FMNL1: variants seen among roughly 807,000 people sequenced by gnomAD.
FMNL1 encodes formin like 1, also known as formin-like protein 1.
FMNL1 carries 43 observed loss-of-function variants against 121.3 expected under a neutral mutation model. That is an observed-to-expected ratio of 0.35 (90% CI 0.28 to 0.46). The LOEUF (loss-of-function observed/expected upper bound fraction) is 0.46, where lower values mean the gene tolerates loss of function less well. Ranked by LOEUF, FMNL1 falls within the 20% of genes least tolerant of loss-of-function variation. The pLI, the probability that FMNL1 is intolerant of heterozygous loss-of-function variation, is 1.00. For synonymous variants in FMNL1, 613 were observed against 613.5 expected, an observed-to-expected ratio of 1.00 and a Z score of 0.01; for missense variants, 1,191 against 1,482.4, an observed-to-expected ratio of 0.80 and a Z score of 3.23.
Position 45,241,366 on chromosome 17 carries a change from C to A in FMNL1, c.1333-16C>A. The stretch of plus-strand genomic sequence containing the variant: ...AGCCTGCTGGTGGGCACTGACCCCT[C>A]CCGTGGGGTTCGTAGGAGCGCTTCA... On this transcript the variant is annotated splice_polypyrimidine_tract_variant and intron_variant, in intron 13 of 26. Coordinates refer to ENST00000331495, the MANE Select transcript of FMNL1 (RefSeq NM_005892.4). This position sits in a 1 kb window ranked among gnomAD's most constrained non-coding sequence, Gnocchi z 7.0. 6.3e-7 allele frequency: 1 copy of A among 1,577,600 alleles called. No homozygotes were observed. The highest frequency in any genetic ancestry group is 1.4e-5 in the African/African-American group (1 of 73,866).
At chr17:45,227,078 G>C (rs1003234192) in intron 1 of FMNL1, among the ~76,000 whole-genome samples, 6 of 152,124 alleles carry the variant, frequency 3.9e-5, no homozygotes, top group African/African-American at 1.4e-4. Flanking sequence ...ATGGGGGAGT[G>C]GGGGCTGGGG....
chr17:45,231,656 T>C lies in FMNL1; in HGVS notation c.214-711T>C, dbSNP rs2043440278. ...GGTCTTTGCCGTGGTCCCTGCCTCTTTGTGTGAGTGGCCGCTGGAGCCTGC... is the reference window on the plus strand; with the variant it reads ...GGTCTTTGCCGTGGTCCCTGCCTCTCTGTGTGAGTGGCCGCTGGAGCCTGC... On this transcript the variant is annotated intron_variant, in intron 2 of 26. Coordinates refer to ENST00000331495, the MANE Select transcript of FMNL1 (RefSeq NM_005892.4). This position sits in a 1 kb window ranked among gnomAD's most constrained non-coding sequence, Gnocchi z 4.7. Among the ~76,000 whole-genome samples, 1 of 151,884 alleles carries C rather than the reference T, an allele frequency of 6.6e-6. No individual in the cohort carries two copies. The highest frequency in any genetic ancestry group is 2.1e-4 in the South Asian group (1 of 4,816).
intron 6 of FMNL1, among the ~76,000 whole-genome samples, chr17:45,235,775 G>A (rs1355475295): frequency 3.3e-5 from 5 of 152,186 alleles, no homozygotes; most frequent in African/African-American, 4.8e-5. Context: ...GCTGGGATGC[G>A]CCTGAACCCT....
At chr17:45,232,171 A>AC (rs1299930579) in intron 2 of FMNL1, among the ~76,000 whole-genome samples, 196 bp from the exon 3 acceptor site, 1 of 152,150 alleles carries the variant, frequency 6.6e-6, no homozygotes, top group Non-Finnish European at 1.5e-5. Context: ...AAGAAAAGAG[A>AC]AAGATAAAAG....
chr17:45,246,477 C>G, intron 25 of FMNL1, 28 bp from the exon 26 acceptor site: 1 of 1,613,886 alleles, frequency 6.2e-7, no homozygotes, highest in Non-Finnish European at 8.5e-7. Flanking sequence ...TTTCTCTACT[C>G]CCCTTCACCT....
Position 45,241,832 on chromosome 17 carries a change from C to G in FMNL1, c.1586-15C>G. ...TGACTCGCGCCTCCCCCACGCCGCG[C>G]CCTCGCTGGCTCAGATCTCGCACCT... On this transcript the variant is annotated splice_polypyrimidine_tract_variant and intron_variant, in intron 14 of 26. Coordinates refer to ENST00000331495, the MANE Select transcript of FMNL1 (RefSeq NM_005892.4). The surrounding 1 kb of genome is among the most constrained non-coding windows in gnomAD (Gnocchi z 7.0). 7.1e-7 allele frequency: 1 copy of G among 1,417,848 alleles called. No homozygotes were observed. Among genetic ancestry groups the G allele is most frequent in the Non-Finnish European group, 9.1e-7 (1 of 1,094,394 alleles). 87.8% of individuals were successfully genotyped at this position (1,417,848 alleles called of 1,614,324 possible). A position where few individuals can be genotyped will look rare whatever the true frequency, so the allele number is the denominator to read the frequency against.
chr17:45,246,748 G>A (rs1489260674), intron 26 of FMNL1, 119 bp from the exon 27 acceptor site: 2 of 814,548 alleles, frequency 2.5e-6, no homozygotes, highest in Admixed American at 2.5e-5. Context: ...AACATAAACG[G>A]TACCCCTGCC....
chr17:45,224,149 C>T (rs1279355900), intron 1 of FMNL1, among the ~76,000 whole-genome samples: 2 of 152,270 alleles, frequency 1.3e-5, no homozygotes, highest in South Asian at 4.1e-4. Context: ...GTGTTTATAC[C>T]TTCTTCCCGG....
chr17:45,228,165 C>T (rs1184782292), intron 1 of FMNL1, among the ~76,000 whole-genome samples: 6 of 152,222 alleles, frequency 3.9e-5, no homozygotes, highest in Admixed American at 3.9e-4. Context: ...CTCTCCTACT[C>T]CCTGGAGTGC....
rs1285867662 is a variant in FMNL1 at position 45,236,754 on chromosome 17, A to C, written c.723+510A>C. On this transcript the variant is annotated intron_variant, in intron 7 of 26. Coordinates refer to ENST00000331495, the MANE Select transcript of FMNL1 (RefSeq NM_005892.4). ...AAGCGGGAGGATTGCTTGAACCCAG[A>C]ATTTGAGATCAGCCTGGGCAACATA... Among the ~76,000 whole-genome samples, 10 of 152,230 alleles carry C rather than the reference A, an allele frequency of 6.6e-5. No homozygotes were observed. The East Asian group carries it at 1.9e-3, about 29-fold the overall frequency.
rs776423403 is a variant in FMNL1 at position 45,241,335 on chromosome 17, C to T, written c.1333-47C>T. On this transcript the variant is annotated intron_variant, in intron 13 of 26. Transcript: ENST00000331495. The surrounding 1 kb of genome is among the most constrained non-coding windows in gnomAD (Gnocchi z 7.0). ...CCGGGAAGAAGATGGAGGCTTGGTG[C>T]CAAGGAGCCTGCTGGTGGGCACTGA... is the stretch of plus-strand genomic sequence containing the variant. The T allele has an allele frequency of 6.3e-7, 1 of 1,589,898 alleles. No homozygotes were observed. Among genetic ancestry groups the T allele is most frequent in the Non-Finnish European group, 8.6e-7 (1 of 1,168,030 alleles).
intron 10 of FMNL1, 69 bp downstream of exon 10, chr17:45,238,707 C>T (rs1211465295): frequency 6.3e-7 from 1 of 1,591,292 alleles, no homozygotes; most frequent in African/African-American, 1.3e-5. Flanking sequence ...CAGCTAGGGT[C>T]CTGGGTGCTG....
At chr17:45,222,669 G>C (rs1020391164) in intron 1 of FMNL1, among the ~76,000 whole-genome samples, 7 of 152,204 alleles carry the variant, frequency 4.6e-5, no homozygotes, top group African/African-American at 1.4e-4. Context: ...CAACCTCCCG[G>C]GAGCGGGAGA....
chr17:45,242,074 C>CCGT lies in FMNL1; in HGVS notation c.1815_1816insTCG (p.Pro605_Pro606insSer). On this transcript the variant is annotated inframe_insertion, in exon 15 of 27. Transcript: ENST00000331495. Reference sequence around the variant, plus strand: ...CACTGACGGGCCGGTGCCTCCGCCGCCGCCGCCGCCGCCGCCGCCTCCCGG... The same window carrying CCGT: ...CACTGACGGGCCGGTGCCTCCGCCGCCGTCGCCGCCGCCGCCGCCGCCTCCCGG... 1 of 1,503,804 alleles carries CCGT rather than the reference C, an allele frequency of 6.6e-7. No homozygotes were observed. The highest frequency in any genetic ancestry group is 1.4e-5 in the African/African-American group (1 of 70,832). 93.2% of individuals were successfully genotyped at this position (1,503,804 alleles called of 1,614,324 possible). A position where few individuals can be genotyped will look rare whatever the true frequency, so the allele number is the denominator to read the frequency against.
Position 45,243,982 on chromosome 17 carries a change from C to T in FMNL1, c.2405C>T (p.Thr802Ile). ...CTGCCGGAGCGCATGACCACACTCA[C>T]CTTCCTGGGCAACTTCCCGGACACA... ...PRLPERMTTL[T>I]FLGNFPDTAQ... The change falls in exon 18 of 27, where the codon ACC becomes ATC. Residue 802 changes from threonine (T) to isoleucine (I), a missense_variant. This residue lies in a region of FMNL1 where 367 missense variants were observed against 528.6 expected (regional missense o/e 0.69). Coordinates refer to ENST00000331495, the MANE Select transcript of FMNL1 (RefSeq NM_005892.4). The T allele has an allele frequency of 1.9e-6, 3 of 1,612,336 alleles. No homozygotes were observed. Among genetic ancestry groups the T allele is most frequent in the Non-Finnish European group, 2.5e-6 (3 of 1,179,712 alleles).
At position 45,247,158 on chromosome 17, in the gene FMNL1, T is replaced by C. The variant is rs1044923460; in HGVS notation, c.*300T>C. ...GCCCGCCCCTTCCCCCAAATGCTGCTTGCAGCACCCACCCTAAAGCCCCCT... is the reference window on the plus strand; with the variant it reads ...GCCCGCCCCTTCCCCCAAATGCTGCCTGCAGCACCCACCCTAAAGCCCCCT... On this transcript the variant is annotated 3_prime_UTR_variant, in exon 27 of 27. Coordinates refer to ENST00000331495, the MANE Select transcript of FMNL1 (RefSeq NM_005892.4). 5.9e-5 allele frequency: 34 copies of C among 579,686 alleles called. No individual in the cohort carries two copies. The highest frequency in any genetic ancestry group is 9.9e-5 in the Non-Finnish European group (32 of 323,702). 35.9% of individuals were successfully genotyped at this position (579,686 alleles called of 1,614,324 possible). A position where few individuals can be genotyped will look rare whatever the true frequency, so the allele number is the denominator to read the frequency against.
At chr17:45,234,461 T>C in intron 6 of FMNL1, 2 of 464,338 alleles carry the variant, frequency 4.3e-6, no homozygotes, top group Non-Finnish European at 7.8e-6. Context: ...GGACATGAGT[T>C]TGAGACCAGC....
intron 6 of FMNL1, among the ~76,000 whole-genome samples, chr17:45,235,212 C>A (rs894185110): frequency 4.6e-5 from 7 of 152,162 alleles, no homozygotes; most frequent in African/African-American, 1.4e-4. Context: ...CCCTCAGGGG[C>A]CCACAGTCTA....
At position 45,241,236 on chromosome 17, in the gene FMNL1, G is replaced by T; in HGVS notation, c.1332+6G>T. The T allele has an allele frequency of 1.2e-6, 2 of 1,614,018 alleles. No homozygotes were observed. The highest frequency in any genetic ancestry group is 1.7e-6 in the Non-Finnish European group (2 of 1,179,982). On this transcript the variant is annotated splice_donor_region_variant and intron_variant, in intron 13 of 26. Coordinates refer to ENST00000331495, the MANE Select transcript of FMNL1 (RefSeq NM_005892.4). The surrounding 1 kb of genome is among the most constrained non-coding windows in gnomAD (Gnocchi z 7.0). ...AGGAGTTGGAGACCCTGCGGGTGAG[G>T]CTGGGGCGGGTGGTAGGCCAGGCGC...
Sources: gnomAD v4.1 joint callset for allele counts (sites outside exome capture counted in the v4.1 genomes callset) on GRCh38, gnomAD v4.1.1 for gene constraint, gnomAD v4.1.1 regional missense constraint, Gnocchi (gnomAD v3.1) non-coding constraint, MANE v1.5 for transcripts, NCBI Gene and HGNC (gene_info 2026-07-23, HGNC 2026-07-21) for gene names.